Variants in ING5 observed in about 807,000 individuals in gnomAD.
ING5 encodes the protein inhibitor of growth family member 5, also known as inhibitor of growth protein 5.
A neutral mutation model predicts 37.4 loss-of-function variants in ING5; 17 were observed. The ratio of observed to expected loss-of-function variants is 0.45; its 90% CI spans 0.31 to 0.68. ING5 has a LOEUF of 0.68. Among genes scored for constraint, ING5 ranks in the 30% least tolerant of loss-of-function variants. The pLI is 0.05. For synonymous variants in ING5, 123 were observed against 116.6 expected (o/e 1.06, Z -0.36); for missense variants, 233 against 311.9 (o/e 0.75, Z 1.91).
chr2:241,690,619 A>G (rs2069536776), exon 2 of ING5: 1 of 398,550 alleles, frequency 2.5e-6, no homozygotes, highest in South Asian at 1.3e-4. Context: ...CAATGGGAGC[A>G]AGAGTCACTC....
intron 2 of ING5, among the ~76,000 whole-genome samples, chr2:241,690,923 C>G (rs1428147925): frequency 4.0e-5 from 6 of 151,706 alleles, no homozygotes; most frequent in African/African-American, 1.5e-4. Flanking sequence ...TCTCCTGCCT[C>G]AGCCTCCCAA....
chr2:241,724,054 G>A (rs1043852133), intron 7 of ING5: 5 of 1,387,044 alleles, frequency 3.6e-6, no homozygotes, highest in Non-Finnish European at 3.7e-6. Context: ...GTTTGCCTGT[G>A]CTGAAAATCT....
chr2:241,728,672 C>T lies in ING5; in HGVS notation c.*3641C>T, dbSNP rs1236952352. On this transcript the variant is annotated 3_prime_UTR_variant, in exon 8 of 8. Transcript: ENST00000313552. ...GCGTGGCCTCCTGAGCAGCAGCTGA[C>T]CGCCCGTCTCATGCTGGACGGGACC... The T allele has an allele frequency of 6.6e-6, 1 of 152,294 alleles. No individual in the cohort carries two copies. Among genetic ancestry groups the T allele is most frequent in the Non-Finnish European group, 1.5e-5 (1 of 68,036 alleles). 9.4% of individuals were successfully genotyped at this position (152,294 alleles called of 1,614,324 possible).
upstream of ING5, among the ~76,000 whole-genome samples, chr2:241,700,773 C>T (rs1239594534): frequency 1.3e-5 from 2 of 151,446 alleles, no homozygotes; most frequent in Non-Finnish European, 2.9e-5. Flanking sequence ...GTACAGGCGC[C>T]CGCCACCACG....
At chr2:241,719,594 C>G in intron 5 of ING5, 1 of 1,536,058 alleles carries the variant, frequency 6.5e-7, no homozygotes, top group East Asian at 2.4e-5. Flanking sequence ...TCTTCCTCAC[C>G]CAGTGCTGTT....
At chr2:241,700,374 G>T (rs1019014969), upstream of ING5, among the ~76,000 whole-genome samples, 2 of 151,914 alleles carry the variant, frequency 1.3e-5, no homozygotes, top group Admixed American at 1.3e-4. Flanking sequence ...AGGCAGGATG[G>T]TCTCAATCTC....
In ING5 at chr2:241,712,048, A is replaced by G. The variant is rs779818300; in HGVS notation, c.459A>G (p.Pro153=). The change falls in exon 5 of 8, where the codon CCA becomes CCG. Residue 153 remains proline, a synonymous_variant. Coordinates refer to ENST00000313552, the MANE Select transcript of ING5 (RefSeq NM_032329.6). The stretch of plus-strand genomic sequence containing the variant: ...GGAGGACATCAGAGGAAGACACACC[A>G]AAGAAAAAGAAGCACAAAGGAGGGT... ...RGRRTSEEDT[P]KKKKHKGGSE... 1.9e-6 allele frequency: 3 copies of G among 1,611,690 alleles called. No homozygotes were observed. The highest frequency in any genetic ancestry group is 4.5e-5 in the East Asian group (2 of 44,850).
chr2:241,711,925 G>C, intron 4 of ING5, 53 bp from the exon 5 acceptor site: 2 of 1,465,398 alleles, frequency 1.4e-6, no homozygotes, highest in Non-Finnish European at 1.8e-6. Context: ...CACAAAACTT[G>C]CCTTGCTTTA....
At chr2:241,703,507 G>T (rs766644341) in intron 1 of ING5, among the ~76,000 whole-genome samples, 1 of 152,170 alleles carries the variant, frequency 6.6e-6, no homozygotes, top group East Asian at 1.9e-4. Flanking sequence ...GACTATTTAA[G>T]TAAAATTAAA....
intron 7 of ING5, chr2:241,724,634 C>G: frequency 3.1e-6 from 1 of 321,622 alleles, no homozygotes; most frequent in Non-Finnish European, 5.9e-6. Context: ...CTGCCATGCT[C>G]TCAACGCGTG....
At chr2:241,720,051 G>C in intron 5 of ING5, 1 of 1,241,154 alleles carries the variant, frequency 8.1e-7, no homozygotes, top group African/African-American at 1.5e-5. Context: ...GGGCTCTGAC[G>C]TCCAAGGCGC....
intron 7 of ING5, 42 bp downstream of exon 7, chr2:241,723,313 G>C: frequency 6.3e-7 from 1 of 1,599,526 alleles, no homozygotes; most frequent in African/African-American, 1.3e-5. Context: ...CCAGTCTGCT[G>C]GGTGTTGCGC....
chr2:241,709,981 C>T (rs1010107463), intron 3 of ING5, among the ~76,000 whole-genome samples: 25 of 151,814 alleles, frequency 1.6e-4, no homozygotes, highest in African/African-American at 5.3e-4. Context: ...CTTGCTCTGT[C>T]GCCCAGGCTG....
At chr2:241,701,892 C>G (rs960857741), upstream of ING5, 5 of 348,878 alleles carry the variant, frequency 1.4e-5, no homozygotes, top group Non-Finnish European at 2.0e-5. Context: ...AACCTCCGCC[C>G]GGGCCCCGCA....
At position 241,689,966 on chromosome 2, in the gene ING5, G is replaced by T. The variant is rs576775456; in HGVS notation, c.-645G>T. The T allele has an allele frequency of 3.3e-5, 5 of 151,642 alleles. No homozygotes were observed. The South Asian group carries it at 1.0e-3, about 32-fold the overall frequency. 9.4% of individuals were successfully genotyped at this position (151,642 alleles called of 1,614,324 possible). ...AGACCACCTTCCAGAGGATGAAGGG[G>T]ATTGTAGGAAGGAAGACCACCTTCC... On this transcript the variant is annotated 5_prime_UTR_variant, in exon 2 of 8. Transcript: ENST00000636051.
intron 2 of ING5, among the ~76,000 whole-genome samples, chr2:241,692,820 A>C (rs2069574442): frequency 6.6e-6 from 1 of 152,106 alleles, no homozygotes; most frequent in Non-Finnish European, 1.5e-5. Context: ...GTATTTGAGG[A>C]GACGTCTCCT....
At chr2:241,722,482 T>C in intron 5 of ING5, 1 of 985,224 alleles carries the variant, frequency 1.0e-6, no homozygotes, top group Non-Finnish European at 1.2e-6. Flanking sequence ...GGCCCGAAGG[T>C]GGGCGCGAGG....
chr2:241,721,589 C>G (rs561931250), intron 5 of ING5: 1 of 985,454 alleles, frequency 1.0e-6, no homozygotes, highest in South Asian at 4.7e-5. Context: ...CAGACTTCTG[C>G]TCCTTGGCTT....
chr2:241,709,078 C>A lies in ING5; in HGVS notation c.110-138C>A, dbSNP rs1460927662. The A allele has an allele frequency of 8.8e-6, 8 of 911,860 alleles. No individual in the cohort carries two copies. In the East Asian group the frequency reaches 2.0e-4, roughly 23 times the overall value. 56.5% of individuals were successfully genotyped at this position (911,860 alleles called of 1,614,324 possible). ...CAGAACGGTTCTGCCCACTTGCGCT[C>A]CCACCAGCACAGCGTGAGTTCATGT... On this transcript the variant is annotated intron_variant, in intron 2 of 7. Transcript: ENST00000313552.
Sources: gnomAD v4.1 joint callset for allele counts (sites outside exome capture counted in the v4.1 genomes callset) on GRCh38, gnomAD v4.1.1 for gene constraint, MANE v1.5 for transcripts, NCBI Gene and HGNC (gene_info 2026-07-23, HGNC 2026-07-21) for gene names.